Variants in NETO2 observed in about 807,000 individuals in gnomAD.
NETO2 encodes the protein neuropilin and tolloid-like protein 2.
NETO2 carries 28 observed loss-of-function variants against 62.5 expected under a neutral mutation model. The ratio of observed to expected loss-of-function variants is 0.45; its 90% CI spans 0.33 to 0.61. The LOEUF is 0.61. Ranked by LOEUF, NETO2 falls within the 20% of genes least tolerant of loss-of-function variation. The pLI, the probability that NETO2 is intolerant of heterozygous loss-of-function variation, is 0.02. For missense variants in NETO2, 548 were observed against 643.2 expected, an observed-to-expected ratio of 0.85 and a Z score of 1.60; for synonymous variants, 214 against 219.1, an observed-to-expected ratio of 0.98 and a Z score of 0.21.
intron 7 of NETO2, among the ~76,000 whole-genome samples, chr16:47,087,898 A>G (rs1963229863): frequency 6.6e-6 from 1 of 152,168 alleles, no homozygotes; most frequent in African/African-American, 2.4e-5. Context: ...ATCCTTGTGT[A>G]TGTAAACCTT....
intron 8 of NETO2, among the ~76,000 whole-genome samples, chr16:47,085,643 C>CA (rs1177274621): frequency 1.3e-5 from 2 of 152,000 alleles, no homozygotes; most frequent in Non-Finnish European, 2.9e-5. Context: ...CTCAGCCTCC[C>CA]AAAGTGCTGG....
At chr16:47,108,808 G>A (rs1388785729) in intron 7 of NETO2, among the ~76,000 whole-genome samples, 1 of 152,208 alleles carries the variant, frequency 6.6e-6, no homozygotes, top group African/African-American at 2.4e-5. Context: ...CTCTGGCTTT[G>A]AGAGATGTTG....
chr16:47,140,819 A>G (rs746361576), intron 1 of NETO2, among the ~76,000 whole-genome samples: 12 of 152,256 alleles, frequency 7.9e-5, no homozygotes, highest in Non-Finnish European at 1.5e-4. Flanking sequence ...TTTTAAATAC[A>G]GTGCCAAGGA....
At chr16:47,128,156 C>T (rs1964193457) in intron 4 of NETO2, among the ~76,000 whole-genome samples, 169 bp downstream of exon 4, 1 of 152,176 alleles carries the variant, frequency 6.6e-6, no homozygotes, top group Non-Finnish European at 1.5e-5. Flanking sequence ...TGTCCAATTT[C>T]TATTAACTTC....
At chr16:47,084,458 T>TC (rs1423686524) in intron 8 of NETO2, among the ~76,000 whole-genome samples, 3 of 152,114 alleles carry the variant, frequency 2.0e-5, no homozygotes, top group African/African-American at 7.2e-5. Flanking sequence ...CTGCTGCTGC[T>TC]CCCCATCACT....
intron 7 of NETO2, among the ~76,000 whole-genome samples, chr16:47,091,710 T>C (rs1261040629): frequency 6.6e-6 from 1 of 152,216 alleles, no homozygotes; most frequent in East Asian, 1.9e-4. Context: ...ATACTTGCTT[T>C]CCTGCTAAGA....
At chr16:47,112,535 T>C (rs1219058466) in intron 6 of NETO2, among the ~76,000 whole-genome samples, 2 of 152,154 alleles carry the variant, frequency 1.3e-5, no homozygotes, top group Non-Finnish European at 2.9e-5. Flanking sequence ...ATTTTTTGTA[T>C]TTTTAGTAGA....
intron 6 of NETO2, among the ~76,000 whole-genome samples, chr16:47,114,209 G>A (rs1963860087): frequency 6.6e-6 from 1 of 152,026 alleles, no homozygotes; most frequent in Non-Finnish European, 1.5e-5. Flanking sequence ...CCATCTCATT[G>A]TGGTTTTAAT....
At position 47,143,683 on chromosome 16, in the gene NETO2, G is replaced by A; in HGVS notation, c.-71C>T. ...GCGGTGGCTCGGCGCTCACGGCTCG[G>A]CGCGGCGGCGACGGCCCCACTCCGT... On this transcript the variant is annotated 5_prime_UTR_variant, in exon 1 of 9. Transcript: ENST00000562435. The A allele has an allele frequency of 2.5e-6, 3 of 1,214,880 alleles. No homozygotes were observed. The highest frequency in any genetic ancestry group is 1.0e-6 in the Non-Finnish European group (1 of 976,302). The allele number at this position is 1,214,880 out of a possible 1,614,324, so 75.3% of individuals were successfully genotyped here. A position where few individuals can be genotyped will look rare whatever the true frequency, so the allele number is the denominator to read the frequency against.
intron 7 of NETO2, among the ~76,000 whole-genome samples, chr16:47,096,599 G>A (rs915687851): frequency 1.3e-5 from 2 of 152,282 alleles, no homozygotes; most frequent in South Asian, 2.1e-4. Flanking sequence ...TGAAGCCAAA[G>A]AAAATCTGAA....
At chr16:47,104,690 T>C (rs1963632465) in intron 7 of NETO2, among the ~76,000 whole-genome samples, 1 of 152,124 alleles carries the variant, frequency 6.6e-6, no homozygotes, top group African/African-American at 2.4e-5. Context: ...TATAGACCAA[T>C]GGAATTAAGA....
Position 47,125,815 on chromosome 16 carries a change from C to T in NETO2, c.481+2510G>A, listed in dbSNP as rs749457189. 4.6e-5 allele frequency among the ~76,000 whole-genome samples: 7 copies of T among 152,224 alleles called. No individual in the cohort carries two copies. In the South Asian group the frequency reaches 6.2e-4, roughly 14 times the overall value. The stretch of plus-strand genomic sequence containing the variant: ...ATGCAATCCTCCAGCCTCAGCCTCC[C>T]GAGTAGCTGGAATGACACGTGTGCA... On this transcript the variant is annotated intron_variant, in intron 4 of 8. Coordinates refer to ENST00000562435, the MANE Select transcript of NETO2 (RefSeq NM_018092.5).
chr16:47,083,889 CAG>C (rs1293267221), intron 8 of NETO2, 88 bp from the exon 9 acceptor site: 7 of 1,034,536 alleles, frequency 6.8e-6, no homozygotes, highest in Non-Finnish European at 9.8e-6. Flanking sequence ...TTAGGTAAAA[CAG>C]AATACTTGGG....
At chr16:47,118,148 C>T (rs1963959092) in intron 6 of NETO2, among the ~76,000 whole-genome samples, 1 of 151,924 alleles carries the variant, frequency 6.6e-6, no homozygotes. Flanking sequence ...TGTTTTGGTT[C>T]TGCAGACAAT....
At chr16:47,098,221 A>T (rs1331429130) in intron 7 of NETO2, among the ~76,000 whole-genome samples, 4 of 152,162 alleles carry the variant, frequency 2.6e-5, no homozygotes, top group African/African-American at 9.7e-5. Flanking sequence ...GGTAATAACA[A>T]ACTTCTCCGA....
At chr16:47,086,755 G>T (rs1287478164) in intron 7 of NETO2, among the ~76,000 whole-genome samples, 2 of 152,106 alleles carry the variant, frequency 1.3e-5, no homozygotes, top group Non-Finnish European at 2.9e-5. Context: ...GTTAAAGATA[G>T]AATTACCGTA....
intron 7 of NETO2, among the ~76,000 whole-genome samples, chr16:47,092,374 G>A (rs1963330496): frequency 6.6e-6 from 1 of 152,148 alleles, no homozygotes; most frequent in Non-Finnish European, 1.5e-5. Context: ...TGGAAGCCCC[G>A]AAACAATTTC....
chr16:47,124,158 CT>C (rs1042396896), intron 4 of NETO2, among the ~76,000 whole-genome samples: 23 of 149,196 alleles, frequency 1.5e-4, no homozygotes, highest in African/African-American at 2.2e-4. Flanking sequence ...ATCTCAGCAA[CT>C]TTTTTTTTTA....
At chr16:47,126,384 C>G (rs1487613212) in intron 4 of NETO2, among the ~76,000 whole-genome samples, 1 of 152,144 alleles carries the variant, frequency 6.6e-6, no homozygotes, top group African/African-American at 2.4e-5. Context: ...GAAAAGGCTC[C>G]ATACTGTATA....
Sources: gnomAD v4.1 joint callset for allele counts (sites outside exome capture counted in the v4.1 genomes callset) on GRCh38, gnomAD v4.1.1 for gene constraint, MANE v1.5 for transcripts, NCBI Gene and HGNC (gene_info 2026-07-23, HGNC 2026-07-21) for gene names.